Variants in PIK3C3 observed in about 807,000 individuals in gnomAD.
The protein encoded by PIK3C3 is phosphatidylinositol 3-kinase catalytic subunit type 3, also known as PI3-kinase type 3.
PIK3C3 carries 95 observed loss-of-function variants against 126.1 expected under a neutral mutation model. The ratio of observed to expected loss-of-function variants is 0.75; its 90% CI spans 0.64 to 0.89. PIK3C3 has a LOEUF of 0.89. PIK3C3 is among the 40% of genes least tolerant of loss of function. PIK3C3 has a pLI of 0.00. For missense variants in PIK3C3, 829 were observed against 1,063.2 expected (o/e 0.78, Z 3.06); for synonymous variants, 374 against 360.0 (o/e 1.04, Z -0.44).
chr18:41,994,841 C>T (rs947655253), intron 7 of PIK3C3, among the ~76,000 whole-genome samples: 3 of 151,906 alleles, frequency 2.0e-5, no homozygotes, highest in African/African-American at 7.3e-5. Flanking sequence ...AATTCTAGAC[C>T]AGTCAGGGAA....
chr18:41,971,360 A>G (rs925713718), intron 4 of PIK3C3: 1 of 152,130 alleles, frequency 6.6e-6, no homozygotes, highest in Non-Finnish European at 1.5e-5. Context: ...AAGAATAAGT[A>G]CTTGGGTTGG....
intron 12 of PIK3C3, among the ~76,000 whole-genome samples, chr18:42,017,331 T>A (rs1293038829): frequency 6.6e-6 from 1 of 152,166 alleles, no homozygotes; most frequent in Non-Finnish European, 1.5e-5. Context: ...TATACGTGTC[T>A]GGCCAAATGT....
At position 42,022,206 on chromosome 18, in the gene PIK3C3, T is replaced by C. The variant is rs540282740; in HGVS notation, c.1484+1501T>C. Among the ~76,000 whole-genome samples the C allele has an allele frequency of 2.9e-4, 44 of 152,300 alleles. No individual in the cohort carries two copies. The East Asian group carries it at 5.0e-3, about 17-fold the overall frequency. ...GCACAACGTGCAGGTTTGTTACATA[T>C]GTATACATGTGCCATGTTGGTGTGC... On this transcript the variant is annotated intron_variant, in intron 13 of 24. Coordinates refer to ENST00000262039, the MANE Select transcript of PIK3C3 (RefSeq NM_002647.4).
chr18:41,998,521 T>C (rs2144369449), intron 9 of PIK3C3, among the ~76,000 whole-genome samples: 1 of 152,262 alleles, frequency 6.6e-6, no homozygotes, highest in African/African-American at 2.4e-5. Context: ...AAAAATTGTT[T>C]GTTTAAACAA....
intron 24 of PIK3C3, among the ~76,000 whole-genome samples, chr18:42,072,958 A>G (rs139719789): frequency 5.3e-5 from 8 of 152,206 alleles, no homozygotes; most frequent in African/African-American, 1.4e-4. Flanking sequence ...ACTGCAGTCC[A>G]TTTCCTGTTT....
At chr18:41,987,466 G>A (rs1981540603) in intron 4 of PIK3C3, among the ~76,000 whole-genome samples, 1 of 151,962 alleles carries the variant, frequency 6.6e-6, no homozygotes, top group Non-Finnish European at 1.5e-5. Context: ...AAGAGAAAAA[G>A]TGGTTTATTT....
intron 15 of PIK3C3, among the ~76,000 whole-genome samples, chr18:42,032,560 T>C (rs149710845): frequency 2.6e-4 from 39 of 152,176 alleles, no homozygotes; most frequent in Non-Finnish European, 4.6e-4. Context: ...TTAGGGCTTA[T>C]AGTGGTAGAG....
chr18:42,074,442 T>C lies in PIK3C3; in HGVS notation c.2650-6681T>C, dbSNP rs139020645. 1.7e-4 allele frequency among the ~76,000 whole-genome samples: 26 copies of C among 152,254 alleles called. 1 individual carries two copies. Among genetic ancestry groups the C allele is most frequent in the Admixed American group, 1.6e-3 (25 of 15,290 alleles). On this transcript the variant is annotated intron_variant, in intron 24 of 24. Transcript: ENST00000262039. ...TAGAAAATAAACTATATCTTAATTC[T>C]TTAATGAGAATGTACTCTCCTTTAA...
chr18:42,071,070 T>A, intron 24 of PIK3C3, among the ~76,000 whole-genome samples: 1 of 152,196 alleles, frequency 6.6e-6, no homozygotes, highest in South Asian at 2.1e-4. Context: ...TGTTACAGGC[T>A]CTTTTGGACT....
At chr18:42,015,329 A>G (rs529035114) in intron 11 of PIK3C3, 147 bp from the exon 12 acceptor site, 52 of 610,954 alleles carry the variant, frequency 8.5e-5, no homozygotes, top group African/African-American at 2.0e-4. Context: ...CCAGAGTACA[A>G]TGTGACTCTA....
chr18:42,065,664 C>G (rs995523838), intron 23 of PIK3C3, among the ~76,000 whole-genome samples: 1 of 152,178 alleles, frequency 6.6e-6, no homozygotes, highest in Non-Finnish European at 1.5e-5. Flanking sequence ...TTCCCTGTAT[C>G]CCTGTAAAGG....
Position 42,082,173 on chromosome 18 carries a change from T to G in PIK3C3, c.*1036T>G, listed in dbSNP as rs1023433216. ...CAATATGGTAATAATCTTTTGCAAC[T>G]TAATATGTTACATAGTCATATGACT... On this transcript the variant is annotated 3_prime_UTR_variant, in exon 25 of 25. Transcript: ENST00000262039. 1 of 152,224 alleles carries G rather than the reference T, an allele frequency of 6.6e-6. No individual in the cohort carries two copies. Among genetic ancestry groups the G allele is most frequent in the African/African-American group, 2.4e-5 (1 of 41,462 alleles). The allele number at this position is 152,224 out of a possible 1,614,324, so 9.4% of individuals were successfully genotyped here. A position where few individuals can be genotyped will look rare whatever the true frequency, so the allele number is the denominator to read the frequency against.
Position 42,082,793 on chromosome 18 carries a change from A to G in PIK3C3, c.*1656A>G, listed in dbSNP as rs75538027. 6.6e-6 allele frequency: 1 copy of G among 152,208 alleles called. No individual in the cohort carries two copies. The highest frequency in any genetic ancestry group is 1.5e-5 in the Non-Finnish European group (1 of 68,042). 9.4% of individuals were successfully genotyped at this position (152,208 alleles called of 1,614,324 possible). On this transcript the variant is annotated 3_prime_UTR_variant, in exon 25 of 25. Coordinates refer to ENST00000262039, the MANE Select transcript of PIK3C3 (RefSeq NM_002647.4). Reference sequence around the variant, plus strand: ...CAGCTTTGGGGGGCATATGATCCCAATAGCATCAACTTAACTCTGCTAACT... The same window carrying G: ...CAGCTTTGGGGGGCATATGATCCCAGTAGCATCAACTTAACTCTGCTAACT...
At chr18:42,034,130 A>G (rs1408163320) in intron 16 of PIK3C3, among the ~76,000 whole-genome samples, 173 bp downstream of exon 16, 1 of 152,170 alleles carries the variant, frequency 6.6e-6, no homozygotes, top group African/African-American at 2.4e-5. Context: ...TTGATTTAAG[A>G]TCTTCTTTTG....
intron 19 of PIK3C3, among the ~76,000 whole-genome samples, chr18:42,041,617 A>G (rs983321159): frequency 1.8e-4 from 28 of 151,944 alleles, no homozygotes; most frequent in Non-Finnish European, 3.1e-4. Flanking sequence ...ATGTAATTAA[A>G]ACAAAAATGG....
intron 3 of PIK3C3, among the ~76,000 whole-genome samples, chr18:41,967,511 CTAGTATTG>C (rs1485439236): frequency 6.6e-5 from 10 of 152,156 alleles, no homozygotes; most frequent in African/African-American, 2.2e-4. Context: ...CTCAAGACAT[CTAGTATTG>C]TAGTATTGTA....
Position 42,076,167 on chromosome 18 carries a change from T to C in PIK3C3, c.2650-4956T>C, listed in dbSNP as rs543823602. On this transcript the variant is annotated intron_variant, in intron 24 of 24. Transcript: ENST00000262039. ...ATGCGCATATATATATATATGCACA[T>C]ATATATATATGCACATATATATATG... Among the ~76,000 whole-genome samples, 258 of 112,180 alleles carry C rather than the reference T, an allele frequency of 2.3e-3. 1 individual carries two copies. Among genetic ancestry groups the C allele is most frequent in the Non-Finnish European group, 3.0e-3 (183 of 60,476 alleles). The allele number at this position is 112,180 out of a possible 152,430, so 73.6% of individuals were successfully genotyped here.
chr18:42,018,305 A>C (rs987275233), intron 12 of PIK3C3, among the ~76,000 whole-genome samples: 2 of 152,038 alleles, frequency 1.3e-5, no homozygotes. Context: ...ACAGTTTTTT[A>C]AATTCAACTT....
chr18:42,036,963 A>C (rs12606434), intron 16 of PIK3C3, among the ~76,000 whole-genome samples: 24,438 of 152,208 alleles, frequency 0.16, 2,121 homozygotes, highest in East Asian at 0.29. Flanking sequence ...TGTTTCATGC[A>C]CAAAATTACT....
Sources: allele counts gnomAD v4.1 joint callset (sites outside exome capture counted in the v4.1 genomes callset), GRCh38; gene constraint gnomAD v4.1.1; transcripts MANE v1.5; gene names NCBI Gene and HGNC (gene_info 2026-07-23, HGNC 2026-07-21).